Variants in CAPN3 observed in about 807,000 individuals in gnomAD.
CAPN3 encodes the protein calpain-3.
A neutral mutation model predicts 114.0 loss-of-function variants in CAPN3; 88 were observed. The observed-to-expected ratio is 0.77, with a 90% CI of 0.65 to 0.92. CAPN3 has a LOEUF of 0.92. CAPN3 is among the 40% of genes least tolerant of loss of function. The pLI is 0.00. For synonymous variants in CAPN3, 386 were observed against 382.9 expected (o/e 1.01, Z -0.09); for missense variants, 1,028 against 1,069.0 (o/e 0.96, Z 0.53).
chr15:42,387,986 T>A, intron 4 of CAPN3, 100 bp downstream of exon 4: 1 of 1,383,878 alleles, frequency 7.2e-7, no homozygotes, highest in Non-Finnish European at 1.0e-6. Flanking sequence ...TGTGCCTCTA[T>A]ACGTGCATAT....
chr15:42,386,330 C>A, intron 3 of CAPN3, 45 bp downstream of exon 3: 1 of 1,332,348 alleles, frequency 7.5e-7, no homozygotes, highest in Non-Finnish European at 1.1e-6. Flanking sequence ...GGCAGGCCAC[C>A]CACCGCTGGT....
chr15:42,379,988 T>C (rs770140994), intron 1 of CAPN3, among the ~76,000 whole-genome samples: 3 of 152,202 alleles, frequency 2.0e-5, no homozygotes, highest in Non-Finnish European at 4.4e-5. Flanking sequence ...TGATGGTGCA[T>C]GCTTGTAATC....
chr15:42,410,060 A>C (rs1202380248), intron 19 of CAPN3, 65 bp downstream of exon 19: 3 of 1,466,028 alleles, frequency 2.0e-6, no homozygotes, highest in Admixed American at 3.3e-5. Flanking sequence ...GGCAACATAC[A>C]GGGTGCCCAG....
At chr15:42,366,969 G>A (rs929793217) in intron 1 of CAPN3, among the ~76,000 whole-genome samples, 7 of 151,720 alleles carry the variant, frequency 4.6e-5, no homozygotes, top group Admixed American at 4.6e-4. Context: ...TAGTTGCTGG[G>A]ACTACAGGCA....
chr15:42,399,906 T>A (rs2053818603), intron 10 of CAPN3, among the ~76,000 whole-genome samples: 1 of 152,198 alleles, frequency 6.6e-6, no homozygotes, highest in Admixed American at 6.5e-5. Context: ...GATAAGCCCA[T>A]CCATCTTTGA....
In CAPN3 at chr15:42,411,887, C is replaced by G; in HGVS notation, c.*114C>G. 1.9e-6 allele frequency: 3 copies of G among 1,592,604 alleles called. No homozygotes were observed. ...CAGCAGCTACACCCCTACAGGCTTC[C>G]AGGCACCTCATCAGTCATGCTCCTC... is the stretch of plus-strand genomic sequence containing the variant. On this transcript the variant is annotated 3_prime_UTR_variant, in exon 24 of 24. Transcript: ENST00000397163.
At chr15:42,392,849 G>A in intron 7 of CAPN3, 127 bp downstream of exon 7, 1 of 698,694 alleles carries the variant, frequency 1.4e-6, no homozygotes, top group Admixed American at 2.1e-5. Flanking sequence ...TTCAGTTCAA[G>A]GTCCAAGCCA....
chr15:42,392,008 A>G (rs1290773698), intron 6 of CAPN3, among the ~76,000 whole-genome samples: 1 of 151,994 alleles, frequency 6.6e-6, no homozygotes, highest in Non-Finnish European at 1.5e-5. Flanking sequence ...TACTAAAAAT[A>G]CAAAAAATTA....
intron 13 of CAPN3, among the ~76,000 whole-genome samples, 155 bp downstream of exon 13, chr15:42,403,157 T>C (rs987064090): frequency 2.0e-5 from 3 of 152,218 alleles, no homozygotes; most frequent in Admixed American, 2.0e-4. Flanking sequence ...CATTCATCCA[T>C]TCTGTGATAT....
intron 1 of CAPN3, among the ~76,000 whole-genome samples, chr15:42,381,233 T>C (rs115440204): frequency 0.017 from 2,528 of 152,298 alleles, 74 homozygotes; most frequent in African/African-American, 0.059. Context: ...TTCCTTTCTT[T>C]ATGTGGGTCC....
rs777241329 is a variant in CAPN3 at position 42,411,258 on chromosome 15, T to C, written c.2381-29T>C. On this transcript the variant is annotated intron_variant, in intron 22 of 23. Coordinates refer to ENST00000397163, the MANE Select transcript of CAPN3 (RefSeq NM_000070.3). ...AGTAGAGGCGGAGTGCGCCTGTAACTGGCCTCTGGCCTGTGCATTCTTTCA... is the reference window on the plus strand; with the variant it reads ...AGTAGAGGCGGAGTGCGCCTGTAACCGGCCTCTGGCCTGTGCATTCTTTCA... 6 of 1,602,762 alleles carry C rather than the reference T, an allele frequency of 3.7e-6. No individual in the cohort carries two copies. The Admixed American group carries it at 8.3e-5, about 22-fold the overall frequency.
intron 14 of CAPN3, chr15:42,404,216 C>G (rs1178726467): frequency 2.2e-6 from 1 of 457,154 alleles, no homozygotes; most frequent in Non-Finnish European, 4.4e-6. Flanking sequence ...TTCTGTAATC[C>G]CTCTCACTCA....
intron 7 of CAPN3, among the ~76,000 whole-genome samples, chr15:42,393,398 G>A (rs1284969734): frequency 6.6e-6 from 1 of 152,142 alleles, no homozygotes; most frequent in African/African-American, 2.4e-5. Context: ...CTCCTTCTGG[G>A]ACTTCTGGGT....
chr15:42,387,583 G>T (rs570229326), intron 3 of CAPN3, among the ~76,000 whole-genome samples, 170 bp from the exon 4 acceptor site: 1 of 152,286 alleles, frequency 6.6e-6, no homozygotes, highest in Admixed American at 6.5e-5. Context: ...TCCAGTTAGA[G>T]ACAGATTTAC....
chr15:42,401,482 C>CA (rs911496496), intron 10 of CAPN3, among the ~76,000 whole-genome samples, 159 bp from the exon 11 acceptor site: 10 of 132,036 alleles, frequency 7.6e-5, no homozygotes, highest in African/African-American at 1.1e-4. Flanking sequence ...CGCCCCCCCC[C>CA]CCCCCAAATC....
At chr15:42,370,490 A>ATC (rs1352402888) in intron 1 of CAPN3, among the ~76,000 whole-genome samples, 1 of 152,182 alleles carries the variant, frequency 6.6e-6, no homozygotes, top group Non-Finnish European at 1.5e-5. Flanking sequence ...AAAATTATAT[A>ATC]TCTTTCCAAT....
chr15:42,409,424 C>A, intron 17 of CAPN3, 44 bp downstream of exon 17: 1 of 1,524,640 alleles, frequency 6.6e-7, no homozygotes, highest in South Asian at 1.1e-5. Context: ...GCTTCCTTCT[C>A]TCCTGGATTA....
intron 12 of CAPN3, 134 bp from the exon 13 acceptor site, chr15:42,402,660 A>G: frequency 6.5e-7 from 1 of 1,546,678 alleles, no homozygotes; most frequent in Non-Finnish European, 8.7e-7. Flanking sequence ...AAGCCTTGGG[A>G]GTCGGAAGTA....
chr15:42,409,879 T>A, intron 18 of CAPN3, 35 bp downstream of exon 18: 1 of 178,716 alleles, frequency 5.6e-6, no homozygotes, highest in South Asian at 4.4e-5. Context: ...GTGGGGTGGG[T>A]GGGGAGTCCC....
Sources: gnomAD v4.1 joint callset for allele counts (sites outside exome capture counted in the v4.1 genomes callset) on GRCh38, gnomAD v4.1.1 for gene constraint, MANE v1.5 for transcripts, NCBI Gene and HGNC (gene_info 2026-07-23, HGNC 2026-07-21) for gene names.